Variants in RASAL2 observed in about 807,000 individuals in gnomAD.
RASAL2 encodes ras GTPase-activating protein nGAP.
RASAL2 carries 58 observed loss-of-function variants against 128.9 expected under a neutral mutation model. The observed-to-expected ratio is 0.45, with a 90% confidence interval of 0.36 to 0.56. The LOEUF (loss-of-function observed/expected upper bound fraction) is 0.56, where lower values mean the gene tolerates loss of function less well. Ranked by LOEUF, RASAL2 falls within the 20% of genes least tolerant of loss-of-function variation. The probability of loss-of-function intolerance (pLI) is 0.00; values close to 1 mark genes in which losing one functional copy is unlikely to be tolerated. For missense variants in RASAL2, 1,360 were observed against 1,601.6 expected (o/e 0.85, Z 2.57); for synonymous variants, 561 against 580.8 (o/e 0.97, Z 0.49).
intron 3 of RASAL2, among the ~76,000 whole-genome samples, chr1:178,358,419 AT>A (rs999572779): frequency 7.9e-5 from 12 of 152,078 alleles, no homozygotes; most frequent in Non-Finnish European, 7.4e-5. Context: ...AAGACCCACA[AT>A]TTTTCACAGG....
chr1:178,410,545 C>T lies in RASAL2; in HGVS notation c.565-9966C>T, dbSNP rs544495433. On this transcript the variant is annotated intron_variant, in intron 4 of 17. Coordinates refer to ENST00000367649, the MANE Select transcript of RASAL2 (RefSeq NM_170692.4). The stretch of plus-strand genomic sequence containing the variant: ...GATGGAACCTAATAAAACTAAAAAG[C>T]TTCTGCACAGCAAAAGAGATCAGAA... 3.6e-4 allele frequency among the ~76,000 whole-genome samples: 55 copies of T among 152,202 alleles called. 1 individual carries two copies. The South Asian group carries it at 0.011, about 31-fold the overall frequency.
In RASAL2 at chr1:178,443,113, G is replaced by A; in HGVS notation, c.1366G>A (p.Val456Ile). The A allele has an allele frequency of 6.2e-7, 1 of 1,613,956 alleles. No homozygotes were observed. Among genetic ancestry groups the A allele is most frequent in the Non-Finnish European group, 8.5e-7 (1 of 1,179,930 alleles). Residue 456 changes from valine (V) to isoleucine (I), a missense_variant, in exon 8 of 18, where the codon GTC (valine) becomes ATC (isoleucine). Val to Ile is a conservative substitution (Grantham distance 29). Coordinates refer to ENST00000367649, the MANE Select transcript of RASAL2 (RefSeq NM_170692.4). ...GCAATACAAAGAATTTGCAGAATTT[G>A]TCACCAGCAACTACACCATGCTGTG... ...MEQYKEFAEF[V>I]TSNYTMLCSV...
At chr1:178,271,445 GT>G (rs1296126342) in intron 1 of RASAL2, among the ~76,000 whole-genome samples, 1 of 152,172 alleles carries the variant, frequency 6.6e-6, no homozygotes, top group Non-Finnish European at 1.5e-5. Flanking sequence ...TCAATCTACT[GT>G]TTTAACCTAG....
intron 1 of RASAL2, among the ~76,000 whole-genome samples, chr1:178,267,050 C>T (rs370114037): frequency 6.6e-6 from 1 of 152,112 alleles, no homozygotes; most frequent in Non-Finnish European, 1.5e-5. Context: ...GAAGCTGCTT[C>T]GAAAGAGACA....
intron 3 of RASAL2, among the ~76,000 whole-genome samples, chr1:178,353,531 C>G (rs1670634034): frequency 1.3e-5 from 2 of 152,200 alleles, no homozygotes; most frequent in Non-Finnish European, 2.9e-5. Context: ...TTTAACCAGT[C>G]TCTAGGGAGT....
intron 1 of RASAL2, among the ~76,000 whole-genome samples, chr1:178,233,321 T>C (rs1664086527): frequency 6.6e-6 from 1 of 152,214 alleles, no homozygotes; most frequent in Non-Finnish European, 1.5e-5. Flanking sequence ...AAACATCACC[T>C]TGTCCTCCAA....
At chr1:178,326,807 G>C (rs1235415446) in intron 3 of RASAL2, among the ~76,000 whole-genome samples, 2 of 152,112 alleles carry the variant, frequency 1.3e-5, no homozygotes, top group African/African-American at 4.8e-5. Flanking sequence ...GCCTCCCAAA[G>C]TGCTGGGATT....
At chr1:178,408,583 T>G (rs1674136412) in intron 4 of RASAL2, among the ~76,000 whole-genome samples, 1 of 151,888 alleles carries the variant, frequency 6.6e-6, no homozygotes. Flanking sequence ...TTAGGTTTTT[T>G]GTTGTTGTTG....
At chr1:178,220,633 T>TA (rs1205624216) in intron 1 of RASAL2, among the ~76,000 whole-genome samples, 2 of 152,222 alleles carry the variant, frequency 1.3e-5, no homozygotes, top group East Asian at 3.9e-4. Flanking sequence ...TGCAAAGTGC[T>TA]AAAAAAATGA....
At chr1:178,371,335 C>CACAAACACACACACAAAT (rs1211137224) in intron 3 of RASAL2, among the ~76,000 whole-genome samples, 6,062 of 139,424 alleles carry the variant, frequency 0.043, 116 homozygotes, top group Admixed American at 0.06. Context: ...CACACACACA[C>CACAAACACACACACAAAT]ACACACACAC....
At chr1:178,155,055 T>A (rs576908404) in intron 1 of RASAL2, among the ~76,000 whole-genome samples, 2 of 152,272 alleles carry the variant, frequency 1.3e-5, no homozygotes, top group East Asian at 3.9e-4. Flanking sequence ...ACTCCTGACC[T>A]CAGACGATCC....
intron 2 of RASAL2, among the ~76,000 whole-genome samples, chr1:178,288,127 G>T (rs1322146740): frequency 1.3e-5 from 2 of 152,098 alleles, no homozygotes; most frequent in Non-Finnish European, 2.9e-5. Context: ...ATATATTCAT[G>T]GAAAGTAGGC....
chr1:178,440,279 T>A (rs770000380), intron 6 of RASAL2, among the ~76,000 whole-genome samples: 1 of 151,966 alleles, frequency 6.6e-6, no homozygotes, highest in Non-Finnish European at 1.5e-5. Context: ...TACAGATGAG[T>A]CCTATACTAG....
At chr1:178,411,487 A>G in intron 4 of RASAL2, 1 of 512,290 alleles carries the variant, frequency 2.0e-6, no homozygotes. Context: ...AAATCTCACA[A>G]ATCACCACTA....
chr1:178,241,345 C>A (rs1279049132), intron 1 of RASAL2, among the ~76,000 whole-genome samples: 1 of 152,110 alleles, frequency 6.6e-6, no homozygotes, highest in Admixed American at 6.6e-5. Context: ...CTATATGTTT[C>A]TTTTGGTTCT....
At chr1:178,273,575 G>A (rs1312182501) in intron 1 of RASAL2, among the ~76,000 whole-genome samples, 5 of 152,226 alleles carry the variant, frequency 3.3e-5, no homozygotes, top group East Asian at 1.9e-4. Flanking sequence ...GATGGATTAC[G>A]TATAGGGGTT....
chr1:178,314,899 A>C (rs1332422033), intron 3 of RASAL2, among the ~76,000 whole-genome samples: 2 of 146,158 alleles, frequency 1.4e-5, no homozygotes, highest in Non-Finnish European at 3.0e-5. Context: ...CTAACTCGTC[A>C]TCTAGCATTA....
chr1:178,359,500 C>T (rs1042814407), intron 3 of RASAL2, among the ~76,000 whole-genome samples: 1 of 152,096 alleles, frequency 6.6e-6, no homozygotes, highest in Admixed American at 6.5e-5. Flanking sequence ...TCCAGCATAC[C>T]GACCTTGTGC....
intron 1 of RASAL2, among the ~76,000 whole-genome samples, chr1:178,138,516 A>G (rs1282393267): frequency 1.3e-5 from 2 of 152,190 alleles, no homozygotes; most frequent in African/African-American, 2.4e-5. Flanking sequence ...GAGAGATTAT[A>G]TGTATAAGCC....
Sources: allele counts gnomAD v4.1 joint callset (sites outside exome capture counted in the v4.1 genomes callset), GRCh38; gene constraint gnomAD v4.1.1; transcripts MANE v1.5; gene names NCBI Gene and HGNC (gene_info 2026-07-23, HGNC 2026-07-21).